Variants in ALKAL1 observed in about 807,000 individuals in gnomAD.
ALKAL1 encodes AUG-beta.
A neutral mutation model predicts 13.5 loss-of-function variants in ALKAL1; 23 were observed. That is an observed-to-expected ratio of 1.70 (90% CI 1.23 to 2.41). ALKAL1 has a LOEUF of 2.41. Among genes scored for constraint, ALKAL1 ranks in the 30% most tolerant of loss-of-function variants. The pLI is 0.00. For missense variants in ALKAL1, 181 were observed against 178.4 expected (o/e 1.01, Z -0.08); for synonymous variants, 85 against 77.7 (o/e 1.09, Z -0.49).
At chr8:52,547,006 G>T (rs932271192) in intron 1 of ALKAL1, among the ~76,000 whole-genome samples, 1 of 152,124 alleles carries the variant, frequency 6.6e-6, no homozygotes. Flanking sequence ...GGTGGGAGGC[G>T]CCAGGGAGCA....
intron 2 of ALKAL1, among the ~76,000 whole-genome samples, chr8:52,541,726 AG>A (rs1370684882): frequency 5.9e-5 from 9 of 152,330 alleles, no homozygotes; most frequent in Admixed American, 5.9e-4. Context: ...ACCGCGCTCC[AG>A]CCTGGGCAAC....
At chr8:52,547,264 G>A (rs1847379183) in intron 1 of ALKAL1, among the ~76,000 whole-genome samples, 1 of 152,160 alleles carries the variant, frequency 6.6e-6, no homozygotes, top group Admixed American at 6.5e-5. Flanking sequence ...TTGGGAGGCT[G>A]AGGCAGGTGG....
chr8:52,543,029 T>C (rs1399845985), intron 1 of ALKAL1, among the ~76,000 whole-genome samples: 1 of 152,158 alleles, frequency 6.6e-6, no homozygotes, highest in Admixed American at 6.5e-5. Flanking sequence ...CAAACAGAAA[T>C]ATACTATAAG....
intron 1 of ALKAL1, 40 bp downstream of exon 1, chr8:52,565,027 G>A: frequency 7.5e-7 from 1 of 1,325,340 alleles, no homozygotes. Flanking sequence ...CGGAGCCCCA[G>A]GCGCAGGGCA....
intron 1 of ALKAL1, among the ~76,000 whole-genome samples, chr8:52,555,385 A>G (rs1188191385): frequency 6.6e-6 from 1 of 152,102 alleles, no homozygotes; most frequent in Non-Finnish European, 1.5e-5. Context: ...CTGACCCTGG[A>G]GAGAATGTCC....
intron 3 of ALKAL1, 134 bp from the exon 4 acceptor site, chr8:52,538,641 T>C: frequency 1.6e-6 from 1 of 617,790 alleles, no homozygotes; most frequent in Non-Finnish European, 2.9e-6. Context: ...GTGCTGAAAA[T>C]GGATTTTCTC....
chr8:52,547,410 G>A (rs968457495), intron 1 of ALKAL1, among the ~76,000 whole-genome samples: 2 of 152,248 alleles, frequency 1.3e-5, no homozygotes, highest in Admixed American at 1.3e-4. Flanking sequence ...TGAGGGAGGA[G>A]AATCAATTGA....
At chr8:52,535,534 G>C (rs1364180322) in intron 4 of ALKAL1, among the ~76,000 whole-genome samples, 3 of 96,382 alleles carry the variant, frequency 3.1e-5, no homozygotes, top group East Asian at 3.4e-4. Flanking sequence ...CTGGGCAACA[G>C]AGTAAGACCC....
rs543008181 is a variant in ALKAL1 at position 52,535,494 on chromosome 8, C to T, written c.*13-894G>A. ...GGACCCTGGGAGGTTGAGGCTACAC[C>T]GAGCTATGATCAAGCCACTGCACTC... On this transcript the variant is annotated intron_variant, in intron 4 of 4. Transcript: ENST00000358543. 7.8e-4 allele frequency among the ~76,000 whole-genome samples: 108 copies of T among 138,150 alleles called. 1 individual carries two copies. The highest frequency in any genetic ancestry group is 2.0e-3 in the African/African-American group (75 of 36,722). 90.6% of individuals were successfully genotyped at this position (138,150 alleles called of 152,430 possible). A position where few individuals can be genotyped will look rare whatever the true frequency, so the allele number is the denominator to read the frequency against.
intron 1 of ALKAL1, among the ~76,000 whole-genome samples, chr8:52,555,761 T>A (rs1847476469): frequency 6.6e-6 from 1 of 152,194 alleles, no homozygotes; most frequent in Admixed American, 6.5e-5. Flanking sequence ...TTGGCTTTCC[T>A]GTGGTAATCA....
At chr8:52,546,645 T>C (rs558350228) in intron 1 of ALKAL1, among the ~76,000 whole-genome samples, 16 of 152,324 alleles carry the variant, frequency 1.1e-4, no homozygotes, top group African/African-American at 3.8e-4. Context: ...ACTTACCTAT[T>C]TAGGGAAATT....
chr8:52,539,252 A>T (rs1449281162), intron 3 of ALKAL1, among the ~76,000 whole-genome samples: 3 of 152,230 alleles, frequency 2.0e-5, no homozygotes, highest in Non-Finnish European at 4.4e-5. Context: ...AAAGGAATTT[A>T]AAAACAGCGA....
intron 1 of ALKAL1, among the ~76,000 whole-genome samples, chr8:52,562,681 C>G (rs1372140379): frequency 1.3e-5 from 2 of 152,174 alleles, no homozygotes; most frequent in Non-Finnish European, 2.9e-5. Flanking sequence ...AGAGCAAGTG[C>G]AGGGGCAGCA....
intron 1 of ALKAL1, among the ~76,000 whole-genome samples, chr8:52,549,281 T>A (rs1333946241): frequency 2.0e-5 from 3 of 151,998 alleles, no homozygotes; most frequent in Non-Finnish European, 2.9e-5. Context: ...TATAACAAGT[T>A]CCCATTTCAA....
chr8:52,547,776 C>T (rs1160543021), intron 1 of ALKAL1, among the ~76,000 whole-genome samples: 1 of 151,848 alleles, frequency 6.6e-6, no homozygotes, highest in African/African-American at 2.4e-5. Flanking sequence ...TCGCTTGGGC[C>T]CAGGAGTTTG....
At chr8:52,535,136 T>C in intron 4 of ALKAL1, among the ~76,000 whole-genome samples, 1 of 152,066 alleles carries the variant, frequency 6.6e-6, no homozygotes, top group East Asian at 1.9e-4. Flanking sequence ...TTGAGGACTT[T>C]AGGTAAATTT....
At position 52,538,088 on chromosome 8, in the gene ALKAL1, C is replaced by T. The variant is rs1261987593; in HGVS notation, c.*12+343G>A. Among the ~76,000 whole-genome samples the T allele has an allele frequency of 6.4e-5, 9 of 141,248 alleles. No individual in the cohort carries two copies. In the East Asian group the frequency reaches 1.0e-3, roughly 16 times the overall value. 92.7% of individuals were successfully genotyped at this position (141,248 alleles called of 152,430 possible). ...TGGCGACAGAGCGAGACTCTGCCTC[C>T]GAAAAAAAAAAAAAAGGCTAAAGAG... On this transcript the variant is annotated intron_variant, in intron 4 of 4. Transcript: ENST00000358543.
At chr8:52,538,703 T>C (rs563406750) in intron 3 of ALKAL1, among the ~76,000 whole-genome samples, 196 bp from the exon 4 acceptor site, 48 of 152,240 alleles carry the variant, frequency 3.2e-4, no homozygotes, top group Non-Finnish European at 4.7e-4. Flanking sequence ...ATCTTCACTT[T>C]AGAGATGAGA....
At chr8:52,545,521 A>T in intron 1 of ALKAL1, among the ~76,000 whole-genome samples, 1 of 119,008 alleles carries the variant, frequency 8.4e-6, no homozygotes, top group African/African-American at 3.2e-5. Context: ...CCCTGCACAC[A>T]CCCCTTTCCC....
Sources: allele counts gnomAD v4.1 joint callset (sites outside exome capture counted in the v4.1 genomes callset), GRCh38; gene constraint gnomAD v4.1.1; transcripts MANE v1.5; gene names NCBI Gene and HGNC (gene_info 2026-07-23, HGNC 2026-07-21).